The following VRK2 variants were observed in gnomAD, a reference collection of about 807,000 sequenced individuals.
VRK2 encodes the protein VRK serine/threonine kinase 2, also known as serine/threonine-protein kinase VRK2.
VRK2 carries 60 observed loss-of-function variants against 57.6 expected under a neutral mutation model. That is an observed-to-expected ratio of 1.04 (90% confidence interval 0.85 to 1.29). VRK2 has a LOEUF of 1.29. Among genes scored for constraint, VRK2 ranks in the 50% most tolerant of loss-of-function variants. The pLI is 0.00. For missense variants in VRK2, 705 were observed against 588.1 expected, an observed-to-expected ratio of 1.20 and a Z score of -2.06; for synonymous variants, 231 against 199.2, an observed-to-expected ratio of 1.16 and a Z score of -1.35.
intron 1 of VRK2, among the ~76,000 whole-genome samples, chr2:57,977,840 T>C (rs546160929): frequency 2.6e-5 from 4 of 151,242 alleles, no homozygotes; most frequent in Middle Eastern, 3.2e-3. Flanking sequence ...TTCAGTATGT[T>C]GCTGGCTGTA....
At chr2:57,967,446 C>A (rs1477216580) in intron 1 of VRK2, among the ~76,000 whole-genome samples, 1 of 151,722 alleles carries the variant, frequency 6.6e-6, no homozygotes, top group Admixed American at 6.6e-5. Flanking sequence ...AAGGTTAAGC[C>A]AACAATTTCC....
intron 1 of VRK2, among the ~76,000 whole-genome samples, chr2:58,010,899 T>C (rs1471068164): frequency 1.3e-5 from 2 of 152,210 alleles, no homozygotes; most frequent in African/African-American, 2.4e-5. Context: ...AAACAGGGCC[T>C]GGCCCTGTGT....
At chr2:57,970,775 T>G (rs570522788) in intron 1 of VRK2, among the ~76,000 whole-genome samples, 3 of 152,128 alleles carry the variant, frequency 2.0e-5, no homozygotes, top group African/African-American at 7.2e-5. Context: ...TGTCAACTCA[T>G]GACCAATCTT....
At chr2:58,098,190 A>G (rs992826253) in intron 7 of VRK2, among the ~76,000 whole-genome samples, 26 of 152,176 alleles carry the variant, frequency 1.7e-4, no homozygotes, top group East Asian at 5.8e-4. Flanking sequence ...TTGTATAGCT[A>G]TACAATGTTT....
intron 2 of VRK2, among the ~76,000 whole-genome samples, chr2:58,057,471 A>T (rs1031361025): frequency 6.6e-6 from 1 of 151,416 alleles, no homozygotes; most frequent in African/African-American, 2.4e-5. Context: ...GGGGACTAAA[A>T]AATGGACATT....
At chr2:58,082,912 T>C (rs2104131189) in intron 2 of VRK2, among the ~76,000 whole-genome samples, 1 of 151,878 alleles carries the variant, frequency 6.6e-6, no homozygotes. Flanking sequence ...AACTGTAATG[T>C]ACAATTTATA....
chr2:57,998,548 T>C (rs1672994087), intron 1 of VRK2, among the ~76,000 whole-genome samples: 1 of 152,218 alleles, frequency 6.6e-6, no homozygotes, highest in South Asian at 2.1e-4. Context: ...CTAGGGCACA[T>C]TTCTTTAAAG....
In VRK2 at chr2:58,046,841, G is replaced by T. The variant is rs866335952; in HGVS notation, c.-33G>T. On this transcript the variant is annotated 5_prime_UTR_variant, in exon 1 of 13. Transcript: ENST00000340157. ...CGGCAGGTAGGAGGCGGTGCGCGCG[G>T]CCCGGCGACGGGGGATCCTGAGGCC... The T allele has an allele frequency of 4.5e-5, 44 of 985,448 alleles. No individual in the cohort carries two copies. In the African/African-American group the frequency reaches 6.6e-4, roughly 15 times the overall value. 61.0% of individuals were successfully genotyped at this position (985,448 alleles called of 1,614,324 possible). A position where few individuals can be genotyped will look rare whatever the true frequency, so the allele number is the denominator to read the frequency against.
At chr2:58,048,772 G>GT in intron 1 of VRK2, 55 bp from the exon 2 acceptor site, 1 of 1,585,770 alleles carries the variant, frequency 6.3e-7, no homozygotes, top group African/African-American at 1.4e-5. Context: ...TATTTTAAGA[G>GT]TTTTGTTTGT....
At chr2:58,048,651 T>C in intron 1 of VRK2, 176 bp from the exon 2 acceptor site, 1 of 1,503,116 alleles carries the variant, frequency 6.7e-7, no homozygotes, top group Non-Finnish European at 8.9e-7. Flanking sequence ...GTAATGTATG[T>C]GAATTTCTAA....
At position 58,130,547 on chromosome 2, in the gene VRK2, A is replaced by G. The variant is rs114349138; in HGVS notation, c.677-1261A>G. Among the ~76,000 whole-genome samples the G allele has an allele frequency of 5.3e-3, 815 of 152,348 alleles. 11 individuals carry two copies. The highest frequency in any genetic ancestry group is 0.019 in the African/African-American group (770 of 41,576). On this transcript the variant is annotated intron_variant, in intron 8 of 12. Transcript: ENST00000340157. ...AATAGCAGTTAGAGTGTAAGAGCTA[A>G]TCATGTCTTCTGCTTTTATAATAAC...
intron 1 of VRK2, among the ~76,000 whole-genome samples, chr2:57,967,830 A>G (rs1452534844): frequency 6.6e-6 from 1 of 151,856 alleles, no homozygotes; most frequent in African/African-American, 2.4e-5. Context: ...GGAATAAATT[A>G]AAAGGGAATT....
At chr2:58,119,572 T>A (rs1677109342) in intron 7 of VRK2, among the ~76,000 whole-genome samples, 1 of 151,666 alleles carries the variant, frequency 6.6e-6, no homozygotes, top group South Asian at 2.1e-4. Context: ...TTGTCAACAT[T>A]TTGATTACTC....
At chr2:57,982,771 A>G (rs572870462) in intron 1 of VRK2, among the ~76,000 whole-genome samples, 61 of 152,348 alleles carry the variant, frequency 4.0e-4, no homozygotes, top group African/African-American at 1.5e-3. Flanking sequence ...TCTGGCAGCC[A>G]GTAAAGGCTA....
At chr2:58,131,008 G>C (rs1679114790) in intron 8 of VRK2, among the ~76,000 whole-genome samples, 1 of 151,762 alleles carries the variant, frequency 6.6e-6, no homozygotes, top group African/African-American at 2.4e-5. Context: ...GCATTTAATA[G>C]GTTGATATAA....
At chr2:58,116,895 G>T (rs1573204304) in intron 7 of VRK2, among the ~76,000 whole-genome samples, 1 of 152,222 alleles carries the variant, frequency 6.6e-6, no homozygotes, top group South Asian at 2.1e-4. Context: ...GGGGGAGGAG[G>T]TTCTGGAGGA....
At chr2:57,943,328 G>A (rs1388969635) in intron 1 of VRK2, among the ~76,000 whole-genome samples, 1 of 152,168 alleles carries the variant, frequency 6.6e-6, no homozygotes, top group African/African-American at 2.4e-5. Flanking sequence ...ATGGCAAATA[G>A]CATACTATAT....
intron 1 of VRK2, among the ~76,000 whole-genome samples, chr2:57,989,339 C>T (rs1672694248): frequency 1.3e-5 from 2 of 152,164 alleles, no homozygotes; most frequent in African/African-American, 2.4e-5. Context: ...CTAAGCCTGC[C>T]ATCTTGACAA....
At chr2:57,966,449 A>G (rs1314277896) in intron 1 of VRK2, among the ~76,000 whole-genome samples, 2 of 152,306 alleles carry the variant, frequency 1.3e-5, no homozygotes, top group South Asian at 4.1e-4. Context: ...TTTTGAGTTT[A>G]CAACCCCTAA....
Sources: allele counts gnomAD v4.1 joint callset (sites outside exome capture counted in the v4.1 genomes callset), GRCh38; gene constraint gnomAD v4.1.1; transcripts MANE v1.5; gene names NCBI Gene and HGNC (gene_info 2026-07-23, HGNC 2026-07-21).